Variants in ARHGEF26 observed in about 807,000 individuals in gnomAD.
ARHGEF26 encodes Rho guanine nucleotide exchange factor (GEF) 26.
Under a neutral mutation model 89.4 loss-of-function variants are expected in ARHGEF26, and 59 were observed. The observed-to-expected ratio is 0.66, with a 90% CI of 0.54 to 0.82. The LOEUF is 0.82. ARHGEF26 is among the 40% of genes least tolerant of loss of function. The probability of loss-of-function intolerance (pLI) is 0.00; values close to 1 mark genes in which losing one functional copy is unlikely to be tolerated. For synonymous variants in ARHGEF26, 500 were observed against 428.4 expected (o/e 1.17, Z -2.06); for missense variants, 1,234 against 1,085.6 (o/e 1.14, Z -1.92).
intron 11 of ARHGEF26, among the ~76,000 whole-genome samples, chr3:154,233,610 G>C (rs1716940043): frequency 1.3e-5 from 2 of 152,236 alleles, no homozygotes; most frequent in Non-Finnish European, 2.9e-5. Flanking sequence ...CGACAGTCTA[G>C]AAGAGGATCT....
chr3:154,232,555 C>T (rs1716885306), intron 11 of ARHGEF26, among the ~76,000 whole-genome samples: 1 of 152,034 alleles, frequency 6.6e-6, no homozygotes, highest in Non-Finnish European at 1.5e-5. Context: ...TGTGCATTTG[C>T]AAAACATATA....
At chr3:154,231,904 T>G (rs1032011190) in intron 11 of ARHGEF26, among the ~76,000 whole-genome samples, 42 of 151,738 alleles carry the variant, frequency 2.8e-4, no homozygotes, top group African/African-American at 9.5e-4. Context: ...TAGCAGTTTT[T>G]TTTTTTTTTC....
chr3:154,216,129 ATT>A (rs1028336669), intron 9 of ARHGEF26, among the ~76,000 whole-genome samples: 2 of 151,940 alleles, frequency 1.3e-5, no homozygotes, highest in Non-Finnish European at 2.9e-5. Context: ...TATAGTATTT[ATT>A]TTTATAGTGG....
At chr3:154,199,584 A>T (rs1333285378) in intron 9 of ARHGEF26, among the ~76,000 whole-genome samples, 1 of 152,204 alleles carries the variant, frequency 6.6e-6, no homozygotes, top group Middle Eastern at 3.2e-3. Context: ...TATACCCAGC[A>T]GTAGGATTTC....
At chr3:154,241,800 A>G (rs934976023) in intron 12 of ARHGEF26, among the ~76,000 whole-genome samples, 5 of 152,238 alleles carry the variant, frequency 3.3e-5, no homozygotes, top group Non-Finnish European at 4.4e-5. Context: ...TGCTGAAGAC[A>G]GGCCAGGGTA....
At chr3:154,208,635 C>CT (rs758589053) in intron 9 of ARHGEF26, among the ~76,000 whole-genome samples, 82 of 151,754 alleles carry the variant, frequency 5.4e-4, no homozygotes, top group Non-Finnish European at 1.1e-3. Flanking sequence ...ATTTTGTATT[C>CT]TTTTTTCTGT....
intron 6 of ARHGEF26, among the ~76,000 whole-genome samples, chr3:154,172,497 C>G (rs998535709): frequency 1.3e-5 from 2 of 152,168 alleles, no homozygotes; most frequent in African/African-American, 4.8e-5. Context: ...TAGTTCAAGA[C>G]CAGCCTGGCC....
chr3:154,249,175 T>G (rs1032925341), intron 12 of ARHGEF26, among the ~76,000 whole-genome samples: 1 of 152,148 alleles, frequency 6.6e-6, no homozygotes, highest in Non-Finnish European at 1.5e-5. Context: ...AGTGATGGAG[T>G]CCTCAGCCAA....
intron 11 of ARHGEF26, among the ~76,000 whole-genome samples, chr3:154,239,299 A>AGAGAGT (rs1182446964): frequency 4.7e-5 from 3 of 64,328 alleles, no homozygotes; most frequent in Admixed American, 2.0e-4. Flanking sequence ...AGAGAGAGAG[A>AGAGAGT]GTGTGTGTGT....
intron 9 of ARHGEF26, among the ~76,000 whole-genome samples, chr3:154,211,696 G>A (rs535683115): frequency 1.3e-5 from 2 of 152,290 alleles, no homozygotes; most frequent in African/African-American, 4.8e-5. Flanking sequence ...GTAGTGGGGA[G>A]GATGATCAGT....
rs58270331 is a variant in ARHGEF26, at chr3:154,217,898, G to A, written c.1875G>A (p.Arg625=). 2.1e-4 allele frequency: 331 copies of A among 1,603,118 alleles called. 2 individuals are homozygous for A. In the African/African-American group the frequency reaches 3.8e-3, roughly 18 times the overall value. The change falls in exon 10 of 15, where the codon CGG becomes CGA. Residue 625 remains arginine, a synonymous_variant. Coordinates refer to ENST00000465093, the MANE Select transcript of ARHGEF26 (RefSeq NM_015595.4). ...TTCGACTATGCAATGAGGGCGCCCG[G>A]AAGATGGAAAGGACTGAGATGATGT... ...KLVRLCNEGA[R]KMERTEMMYT... is the part of the protein sequence containing the mutation.
intron 6 of ARHGEF26, among the ~76,000 whole-genome samples, chr3:154,159,297 A>G (rs549209860): frequency 2.6e-5 from 4 of 152,224 alleles, no homozygotes; most frequent in East Asian, 1.9e-4. Context: ...TCTTTTTCCA[A>G]TTACAAAGTT....
At chr3:154,244,300 A>G (rs953591857) in intron 12 of ARHGEF26, among the ~76,000 whole-genome samples, 4 of 152,232 alleles carry the variant, frequency 2.6e-5, no homozygotes, top group African/African-American at 7.2e-5. Context: ...CACAAGGACA[A>G]TTCAACTTCA....
chr3:154,156,265 A>G (rs1029875556), intron 6 of ARHGEF26, among the ~76,000 whole-genome samples: 1 of 152,144 alleles, frequency 6.6e-6, no homozygotes, highest in Admixed American at 6.5e-5. Context: ...TATTTAAAGT[A>G]TAGACTAAAA....
intron 6 of ARHGEF26, among the ~76,000 whole-genome samples, chr3:154,167,154 A>G (rs1376232601): frequency 7.2e-5 from 11 of 152,230 alleles, no homozygotes; most frequent in Non-Finnish European, 1.5e-4. Flanking sequence ...GAAAATAGTC[A>G]TTGCTCTGAA....
Position 154,256,854 on chromosome 3 carries a change from A to G in ARHGEF26, c.*1381A>G, listed in dbSNP as rs1362472509. On this transcript the variant is annotated 3_prime_UTR_variant, in exon 15 of 15. Coordinates refer to ENST00000465093, the MANE Select transcript of ARHGEF26 (RefSeq NM_015595.4). The stretch of plus-strand genomic sequence containing the variant: ...TAACTGTGAGTTTCTATAGAACTTT[A>G]CTTTTTCCACTAGTGCACAGAGAGA... 2 of 1,533,282 alleles carry G rather than the reference A, an allele frequency of 1.3e-6. No individual in the cohort carries two copies. Among genetic ancestry groups the G allele is most frequent in the East Asian group, 4.9e-5 (2 of 40,734 alleles). The allele number at this position is 1,533,282 out of a possible 1,614,324, so 95.0% of individuals were successfully genotyped here.
chr3:154,235,669 G>C (rs934854707), intron 11 of ARHGEF26, among the ~76,000 whole-genome samples: 2 of 152,056 alleles, frequency 1.3e-5, no homozygotes, highest in African/African-American at 2.4e-5. Flanking sequence ...GTTCAACCTT[G>C]CAGAAAATTA....
intron 4 of ARHGEF26, among the ~76,000 whole-genome samples, chr3:154,141,141 A>C (rs944616818): frequency 5.4e-5 from 8 of 148,890 alleles, no homozygotes; most frequent in Non-Finnish European, 8.9e-5. Flanking sequence ...TTTTTTTTGT[A>C]TTTTTAGTAG....
In ARHGEF26 at chr3:154,197,979, A is replaced by C. The variant is rs76663028; in HGVS notation, c.1845+3261A>C. On this transcript the variant is annotated intron_variant, in intron 9 of 14. Transcript: ENST00000465093. ...CTGCTTTAACTCTGACCTCATCAAA[A>C]TTCCGTTTAGAGTTGGAGATAGTGT... Among the ~76,000 whole-genome samples the C allele has an allele frequency of 8.4e-3, 1,275 of 152,236 alleles. 15 individuals are homozygous for C. The highest frequency in any genetic ancestry group is 0.029 in the African/African-American group (1,218 of 41,554).
Sources: allele counts gnomAD v4.1 joint callset (sites outside exome capture counted in the v4.1 genomes callset), GRCh38; gene constraint gnomAD v4.1.1; transcripts MANE v1.5; gene names NCBI Gene and HGNC (gene_info 2026-07-23, HGNC 2026-07-21).